Variants in GPHN observed in about 807,000 individuals in gnomAD.
GPHN encodes the protein gephyrin.
GPHN carries 17 observed loss-of-function variants against 95.5 expected under a neutral mutation model. The ratio of observed to expected loss-of-function variants is 0.18; its 90% CI spans 0.12 to 0.27. The LOEUF is 0.27. Ranked by LOEUF, GPHN falls within the 10% of genes least tolerant of loss-of-function variation. The probability of loss-of-function intolerance (pLI) is 1.00; values close to 1 mark genes in which losing one functional copy is unlikely to be tolerated. For synonymous variants in GPHN, 320 were observed against 322.5 expected (o/e 0.99, Z 0.08); for missense variants, 660 against 978.1 (o/e 0.67, Z 4.34).
intron 1 of GPHN, among the ~76,000 whole-genome samples, chr14:66,653,508 C>CT (rs1221233123): frequency 6.6e-6 from 1 of 152,136 alleles, no homozygotes; most frequent in East Asian, 1.9e-4. Flanking sequence ...GAGTTTGACA[C>CT]TGACCCAGTG....
chr14:66,717,430 T>C (rs1397848415), intron 2 of GPHN, among the ~76,000 whole-genome samples: 1 of 152,224 alleles, frequency 6.6e-6, no homozygotes, highest in East Asian at 1.9e-4. Context: ...TTTCCTTGCA[T>C]TGGGCTTCGC....
chr14:67,712,899 C>CT, the GPHN span, among the ~76,000 whole-genome samples: 352 of 149,168 alleles, frequency 2.4e-3, no homozygotes, highest in African/African-American at 6.9e-3. Context: ...GTTCCCTTCT[C>CT]TTTTTTTTTT....
At chr14:66,522,323 G>T (rs1010688669) in intron 1 of GPHN, among the ~76,000 whole-genome samples, 2 of 152,046 alleles carry the variant, frequency 1.3e-5, no homozygotes, top group Non-Finnish European at 2.9e-5. Flanking sequence ...TACAAATGGT[G>T]CCTCCCAGTG....
At chr14:66,904,327 G>A (rs1482055957) in intron 5 of GPHN, among the ~76,000 whole-genome samples, 1 of 152,062 alleles carries the variant, frequency 6.6e-6, no homozygotes, top group African/African-American at 2.4e-5. Flanking sequence ...CCCCGCCCAT[G>A]TCCTGCTGAT....
chr14:67,043,698 T>G (rs568956800), intron 10 of GPHN, among the ~76,000 whole-genome samples: 1 of 152,302 alleles, frequency 6.6e-6, no homozygotes, highest in South Asian at 2.1e-4. Context: ...TCCTTTGTTG[T>G]GTCTCTGCCA....
chr14:67,571,979 GC>G, the GPHN span: 2 of 1,528,826 alleles, frequency 1.3e-6, no homozygotes. Context: ...TTGAACATGG[GC>G]GTCCCCACTT....
chr14:67,596,549 A>T, the GPHN span, among the ~76,000 whole-genome samples: 1 of 152,102 alleles, frequency 6.6e-6, no homozygotes, highest in East Asian at 1.9e-4. Context: ...GTGTCTTATT[A>T]TTCTTTGCAC....
At chr14:67,702,773 AAC>A in the GPHN span, among the ~76,000 whole-genome samples, 1 of 152,154 alleles carries the variant, frequency 6.6e-6, no homozygotes, top group Non-Finnish European at 1.5e-5. Context: ...AACACATCTA[AAC>A]ACACATATAT....
intron 3 of GPHN, among the ~76,000 whole-genome samples, chr14:66,778,596 G>T (rs1229874550): frequency 6.6e-6 from 1 of 151,904 alleles, no homozygotes. Context: ...GACATGTAAA[G>T]ATCTCAACAA....
chr14:67,157,979 G>A (rs1017606312), intron 18 of GPHN, among the ~76,000 whole-genome samples: 2 of 151,906 alleles, frequency 1.3e-5, no homozygotes, highest in African/African-American at 4.8e-5. Context: ...ACAATGATTG[G>A]GGGGGCTAGA....
At chr14:67,314,296 C>G in the GPHN span, among the ~76,000 whole-genome samples, 3 of 152,198 alleles carry the variant, frequency 2.0e-5, no homozygotes, top group Admixed American at 1.3e-4. Flanking sequence ...TAAGGAATCT[C>G]TTTTATCTCT....
the GPHN span, among the ~76,000 whole-genome samples, chr14:67,242,954 T>C: frequency 6.6e-6 from 1 of 152,186 alleles, no homozygotes; most frequent in African/African-American, 2.4e-5. Context: ...GTTTAGCTTT[T>C]ACATGATCTT....
At chr14:66,809,615 T>C (rs112263623) in intron 3 of GPHN, among the ~76,000 whole-genome samples, 1,909 of 152,294 alleles carry the variant, frequency 0.013, 19 homozygotes, top group Non-Finnish European at 0.018. Flanking sequence ...GGAGTCTCTA[T>C]GGCATACAAG....
chr14:67,699,895 A>T, the GPHN span, among the ~76,000 whole-genome samples: 1 of 152,182 alleles, frequency 6.6e-6, no homozygotes, highest in African/African-American at 2.4e-5. Flanking sequence ...TACTTCCAGC[A>T]CTTTGGGAGG....
intron 18 of GPHN, among the ~76,000 whole-genome samples, chr14:67,154,287 A>G (rs1466859809): frequency 6.6e-6 from 1 of 152,194 alleles, no homozygotes; most frequent in Non-Finnish European, 1.5e-5. Flanking sequence ...CTTAGCTAAT[A>G]TATCACTACC....
Position 66,628,535 on chromosome 14 carries a change from T to C in GPHN, c.65-52572T>C, listed in dbSNP as rs375785276. 3.3e-5 allele frequency among the ~76,000 whole-genome samples: 5 copies of C among 152,250 alleles called. No individual in the cohort carries two copies. In the East Asian group the frequency reaches 5.8e-4, roughly 18 times the overall value. ...TTACCATGAATGGAGCTTGCAGGAC[T>C]GGAGGTTGCTTCGGGTAGGTGAGTG... On this transcript the variant is annotated intron_variant, in intron 1 of 22. Transcript: ENST00000478722.
At chr14:67,483,958 G>C in the GPHN span, among the ~76,000 whole-genome samples, 2 of 152,210 alleles carry the variant, frequency 1.3e-5, no homozygotes, top group African/African-American at 4.8e-5. Flanking sequence ...TGGCACAGAG[G>C]TCCCTGGGGC....
chr14:67,577,267 A>G, the GPHN span: 11 of 1,376,284 alleles, frequency 8.0e-6, no homozygotes, highest in Admixed American at 2.0e-5. Context: ...CTCAGTAGTA[A>G]CTGCCCTTGC....
chr14:67,303,571 T>C, the GPHN span: 1 of 1,613,780 alleles, frequency 6.2e-7, no homozygotes, highest in South Asian at 1.1e-5. Flanking sequence ...AGTCAACAGA[T>C]CAAGCCGCCT....
Sources: gnomAD v4.1 joint callset for allele counts (sites outside exome capture counted in the v4.1 genomes callset) on GRCh38, gnomAD v4.1.1 for gene constraint, MANE v1.5 for transcripts, NCBI Gene and HGNC (gene_info 2026-07-23, HGNC 2026-07-21) for gene names.